The following RAPGEF5 variants were observed in gnomAD, a reference collection of about 807,000 sequenced individuals.
RAPGEF5 encodes the protein M-Ras-regulated GEF.
Under a neutral mutation model 125.2 loss-of-function variants are expected in RAPGEF5, and 65 were observed. That is an observed-to-expected ratio of 0.52 (90% CI 0.43 to 0.64). The LOEUF (loss-of-function observed/expected upper bound fraction) is 0.64. Among genes scored for constraint, RAPGEF5 ranks in the 30% least tolerant of loss-of-function variants. The pLI is 0.00. For missense variants in RAPGEF5, 958 were observed against 1,048.1 expected (o/e 0.91, Z 1.19); for synonymous variants, 391 against 385.9 (o/e 1.01, Z -0.16).
At chr7:22,315,340 T>A in intron 3 of RAPGEF5, 30 bp downstream of exon 3, 7 of 1,529,498 alleles carry the variant, frequency 4.6e-6, no homozygotes, top group Non-Finnish European at 6.2e-6. Context: ...CAAAGAGAAT[T>A]TCTGACAAGG....
At chr7:22,353,880 G>A (rs539518376) in intron 1 of RAPGEF5, among the ~76,000 whole-genome samples, 12 of 151,696 alleles carry the variant, frequency 7.9e-5, no homozygotes, top group East Asian at 3.9e-4. Flanking sequence ...AGCCTACAAC[G>A]TAGTGAGACC....
In RAPGEF5 at chr7:22,157,370, C is replaced by T. The variant is rs568452386; in HGVS notation, c.1558-482G>A. 1.6e-4 allele frequency among the ~76,000 whole-genome samples: 24 copies of T among 152,324 alleles called. 3 individuals carry two copies. In the South Asian group the frequency reaches 4.8e-3, roughly 30 times the overall value. ...CATTATGATTATCCACCTGATATAGCTGTGTCTCCCAAACTTGTGCCTGAC... is the reference window on the plus strand; with the variant it reads ...CATTATGATTATCCACCTGATATAGTTGTGTCTCCCAAACTTGTGCCTGAC... On this transcript the variant is annotated intron_variant, in intron 15 of 25. Coordinates refer to ENST00000665637, the MANE Select transcript of RAPGEF5 (RefSeq NM_012294.5).
intron 1 of RAPGEF5, among the ~76,000 whole-genome samples, chr7:22,343,990 C>T (rs1272826615): frequency 6.6e-6 from 1 of 152,146 alleles, no homozygotes; most frequent in African/African-American, 2.4e-5. Flanking sequence ...TCTCCGATTC[C>T]AAACCCTAGC....
At chr7:22,261,073 T>A (rs144997220) in intron 7 of RAPGEF5, among the ~76,000 whole-genome samples, 1,716 of 152,284 alleles carry the variant, frequency 0.011, 34 homozygotes, top group African/African-American at 0.039. Context: ...TACATAAAAT[T>A]AATTCCAGAG....
chr7:22,329,951 C>A (rs1157586928), intron 1 of RAPGEF5, among the ~76,000 whole-genome samples: 2 of 152,224 alleles, frequency 1.3e-5, no homozygotes, highest in African/African-American at 2.4e-5. Flanking sequence ...CAACTTAACT[C>A]CTTCCCTCTG....
At chr7:22,295,125 T>C (rs1783030154) in intron 5 of RAPGEF5, among the ~76,000 whole-genome samples, 1 of 152,210 alleles carries the variant, frequency 6.6e-6, no homozygotes, top group Non-Finnish European at 1.5e-5. Context: ...CAAGTAAGTT[T>C]TGCTTAACAA....
chr7:22,198,201 T>C (rs1255718414), intron 9 of RAPGEF5, among the ~76,000 whole-genome samples: 1 of 152,142 alleles, frequency 6.6e-6, no homozygotes, highest in South Asian at 2.1e-4. Flanking sequence ...TGAATTGTGA[T>C]ACAGCCCAGA....
chr7:22,292,652 C>A (rs1476179737), intron 5 of RAPGEF5, among the ~76,000 whole-genome samples: 2 of 152,168 alleles, frequency 1.3e-5, no homozygotes, highest in Non-Finnish European at 2.9e-5. Flanking sequence ...ACCTCAACCA[C>A]CAAACCAGAT....
intron 1 of RAPGEF5, among the ~76,000 whole-genome samples, chr7:22,334,094 C>G (rs181391882): frequency 6.8e-6 from 1 of 147,928 alleles, no homozygotes; most frequent in Non-Finnish European, 1.5e-5. Flanking sequence ...CTACAGCGCC[C>G]CGAGTGTTCT....
intron 9 of RAPGEF5, among the ~76,000 whole-genome samples, chr7:22,216,453 C>T (rs997586445): frequency 2.6e-5 from 4 of 152,192 alleles, no homozygotes; most frequent in African/African-American, 9.6e-5. Context: ...ATGGGTCCCT[C>T]TGCCTGAAAT....
intron 9 of RAPGEF5, chr7:22,194,712 A>T: frequency 1.0e-6 from 1 of 985,472 alleles, no homozygotes; most frequent in South Asian, 4.7e-5. Context: ...GGATGACTGC[A>T]CAGACTTTCT....
At chr7:22,275,514 A>G (rs547905494) in intron 6 of RAPGEF5, among the ~76,000 whole-genome samples, 51 of 152,228 alleles carry the variant, frequency 3.4e-4, no homozygotes, top group Non-Finnish European at 5.9e-4. Context: ...TTTTAGCTCA[A>G]TGTAAGAACT....
chr7:22,184,852 A>G (rs1197396811), intron 11 of RAPGEF5, among the ~76,000 whole-genome samples: 1 of 152,208 alleles, frequency 6.6e-6, no homozygotes, highest in Non-Finnish European at 1.5e-5. Context: ...TGAAATCCAC[A>G]GTCAAAATTT....
intron 13 of RAPGEF5, 29 bp downstream of exon 13, chr7:22,162,368 T>C: frequency 6.5e-7 from 1 of 1,530,810 alleles, no homozygotes; most frequent in Non-Finnish European, 9.0e-7. Context: ...TTATTTGGCA[T>C]CAAAGAATAT....
Position 22,150,520 on chromosome 7 carries a change from A to T in RAPGEF5, c.1787-16T>A. ...TCATGCTTTTCTTTATTTGAAAAAA[A>T]AAAAAAAAAAAGGAATAATCAGAAA... On this transcript the variant is annotated splice_polypyrimidine_tract_variant and intron_variant, in intron 17 of 25. Coordinates refer to ENST00000665637, the MANE Select transcript of RAPGEF5 (RefSeq NM_012294.5). The T allele has an allele frequency of 1.3e-6, 2 of 1,585,854 alleles. No homozygotes were observed. The highest frequency in any genetic ancestry group is 1.4e-5 in the African/African-American group (1 of 73,368).
chr7:22,195,977 G>A (rs1785139403), intron 9 of RAPGEF5, among the ~76,000 whole-genome samples: 1 of 152,154 alleles, frequency 6.6e-6, no homozygotes, highest in Non-Finnish European at 1.5e-5. Context: ...ACATATGGAT[G>A]GGAAGGGCTT....
chr7:22,270,401 T>C (rs562709998), intron 6 of RAPGEF5, among the ~76,000 whole-genome samples: 1 of 152,370 alleles, frequency 6.6e-6, no homozygotes, highest in East Asian at 1.9e-4. Flanking sequence ...AGTCATTTGT[T>C]ATGCTGAAGA....
chr7:22,281,942 C>T (rs1018962007), intron 6 of RAPGEF5, among the ~76,000 whole-genome samples: 1 of 152,228 alleles, frequency 6.6e-6, no homozygotes, highest in Non-Finnish European at 1.5e-5. Flanking sequence ...TTCTTTATTA[C>T]TGCCTTCTAT....
At chr7:22,288,626 C>T (rs1245549247) in intron 6 of RAPGEF5, among the ~76,000 whole-genome samples, 1 of 151,066 alleles carries the variant, frequency 6.6e-6, no homozygotes, top group Admixed American at 6.6e-5. Flanking sequence ...AGGTTCACAC[C>T]ATTCTCCTGC....
Sources: gnomAD v4.1 joint callset for allele counts (sites outside exome capture counted in the v4.1 genomes callset) on GRCh38, gnomAD v4.1.1 for gene constraint, MANE v1.5 for transcripts, NCBI Gene and HGNC (gene_info 2026-07-23, HGNC 2026-07-21) for gene names.